AXDND1: variants seen among roughly 807,000 people sequenced by gnomAD.
The protein encoded by AXDND1 is axonemal dynein light chain domain containing 1.
In AXDND1, 110 loss-of-function variants were observed where a neutral mutation model predicts 137.5. The ratio of observed to expected loss-of-function variants is 0.80; its 90% CI spans 0.69 to 0.94. The LOEUF is 0.94. AXDND1 is among the 40% of genes least tolerant of loss of function. AXDND1 has a pLI of 0.00. For missense variants in AXDND1, 1,191 were observed against 1,169.8 expected (o/e 1.02, Z -0.26); for synonymous variants, 414 against 399.7 (o/e 1.04, Z -0.43).
Position 179,366,581 on chromosome 1 carries a change from G to A in AXDND1, c.72G>A (p.Val24=). The A allele has an allele frequency of 6.2e-7, 1 of 1,613,502 alleles. No homozygotes were observed. Among genetic ancestry groups the A allele is most frequent in the South Asian group, 1.1e-5 (1 of 91,080 alleles). The change falls in exon 2 of 26, where the codon GTG becomes GTA. Residue 24 remains valine (V), a synonymous_variant. Transcript: ENST00000367618. ...TSTSESKKLK[V]SVAKEGTRGL... is the part of the protein sequence containing the mutation. The stretch of plus-strand genomic sequence containing the variant: ...CATCTGAGAGCAAAAAGTTAAAAGT[G>A]TCTGTAGCCAAGGAAGGGACAAGAG...
intron 15 of AXDND1, among the ~76,000 whole-genome samples, chr1:179,442,891 T>C (rs938458728): frequency 1.3e-5 from 2 of 152,032 alleles, no homozygotes; most frequent in African/African-American, 4.8e-5. Context: ...CAAAAGAGTA[T>C]ATTTGGAAGA....
intron 21 of AXDND1, among the ~76,000 whole-genome samples, chr1:179,519,153 T>C (rs567646938): frequency 6.6e-6 from 1 of 152,356 alleles, no homozygotes; most frequent in South Asian, 2.1e-4. Context: ...GATGTTGAGC[T>C]TTTTCTCATA....
rs186754785 is a variant in AXDND1 at position 179,537,873 on chromosome 1, T to G, written c.3031+2911T>G. On this transcript the variant is annotated intron_variant, in intron 25 of 25. Coordinates refer to ENST00000367618, the MANE Select transcript of AXDND1 (RefSeq NM_144696.6). ...TAATTATTGGCTCAATTTTGCCACC[T>G]GTTATTGGTCTATTCAGAGATTTGA... 9.1e-4 allele frequency among the ~76,000 whole-genome samples: 138 copies of G among 152,300 alleles called. 1 individual carries two copies. The highest frequency in any genetic ancestry group is 2.2e-3 in the African/African-American group (93 of 41,560).
At chr1:179,456,591 T>C in intron 16 of AXDND1, 1 of 789,784 alleles carries the variant, frequency 1.3e-6, no homozygotes, top group East Asian at 2.5e-5. Flanking sequence ...ATAACCACCA[T>C]CATTACCAAA....
intron 18 of AXDND1, among the ~76,000 whole-genome samples, chr1:179,490,779 C>T (rs567575210): frequency 8.9e-4 from 104 of 116,540 alleles, no homozygotes; most frequent in African/African-American, 2.8e-3. Flanking sequence ...TTTTTTTTAT[C>T]ACACAACCAC....
chr1:179,411,929 G>A (rs563768168), intron 12 of AXDND1, among the ~76,000 whole-genome samples: 1 of 151,914 alleles, frequency 6.6e-6, no homozygotes, highest in South Asian at 2.1e-4. Flanking sequence ...ACAGCTTACT[G>A]TAGCCTTGAC....
chr1:179,511,422 G>GTA (rs1491189872), intron 21 of AXDND1, among the ~76,000 whole-genome samples: 1 of 149,418 alleles, frequency 6.7e-6, no homozygotes, highest in South Asian at 2.1e-4. Flanking sequence ...GTGTGTGTGT[G>GTA]TATATGTATA....
At chr1:179,397,330 G>A (rs1030052817) in intron 11 of AXDND1, among the ~76,000 whole-genome samples, 6 of 151,604 alleles carry the variant, frequency 4.0e-5, no homozygotes, top group South Asian at 4.1e-4. Flanking sequence ...CTTACGGCTT[G>A]TAGGGTTTCT....
At chr1:179,490,101 C>T (rs1281078425) in intron 18 of AXDND1, among the ~76,000 whole-genome samples, 1 of 152,166 alleles carries the variant, frequency 6.6e-6, no homozygotes, top group Non-Finnish European at 1.5e-5. Flanking sequence ...TAAGAACTTA[C>T]TCCCTGATAA....
At chr1:179,507,149 C>T (rs1668616685) in intron 20 of AXDND1, among the ~76,000 whole-genome samples, 1 of 152,026 alleles carries the variant, frequency 6.6e-6, no homozygotes, top group Non-Finnish European at 1.5e-5. Flanking sequence ...TACTTCACAC[C>T]AGAAGTCTTT....
intron 2 of AXDND1, 93 bp from the exon 3 acceptor site, chr1:179,368,707 A>G: frequency 3.0e-6 from 3 of 990,706 alleles, no homozygotes; most frequent in Non-Finnish European, 4.4e-6. Flanking sequence ...TCTCTCTGTT[A>G]GAAACAGATG....
At chr1:179,498,739 C>T (rs1667703512) in intron 20 of AXDND1, among the ~76,000 whole-genome samples, 1 of 151,856 alleles carries the variant, frequency 6.6e-6, no homozygotes, top group Admixed American at 6.6e-5. Context: ...CAAGCAAAAA[C>T]CAAATAACCC....
At chr1:179,552,571 G>A in intron 25 of AXDND1, 1 of 1,581,024 alleles carries the variant, frequency 6.3e-7, no homozygotes, top group Non-Finnish European at 8.7e-7. Flanking sequence ...CCTTCCTAAA[G>A]GGCAGTCTGG....
intron 24 of AXDND1, 138 bp downstream of exon 24, chr1:179,534,015 G>A: frequency 1.5e-6 from 1 of 657,750 alleles, no homozygotes; most frequent in Non-Finnish European, 2.7e-6. Context: ...ATCTCCACAT[G>A]TTCTGCTAGA....
At chr1:179,506,523 G>T (rs1668550868) in intron 20 of AXDND1, among the ~76,000 whole-genome samples, 1 of 152,128 alleles carries the variant, frequency 6.6e-6, no homozygotes, top group Admixed American at 6.5e-5. Flanking sequence ...CTTGAGGTCA[G>T]CAGTTCGAGA....
Position 179,554,592 on chromosome 1 carries a change from A to C in AXDND1, c.*73A>C. ...TCCAGGTGGGAGGAGAGCATGCCTA[A>C]ACCCTGGTGGCCATTGTTCTGTACT... On this transcript the variant is annotated 3_prime_UTR_variant, in exon 26 of 26. Transcript: ENST00000367618. 1 of 1,608,642 alleles carries C rather than the reference A, an allele frequency of 6.2e-7. No individual in the cohort carries two copies. The highest frequency in any genetic ancestry group is 8.5e-7 in the Non-Finnish European group (1 of 1,175,048).
rs189622797 is a variant in AXDND1 at position 179,369,949 on chromosome 1, A to G, written c.271-26A>G. On this transcript the variant is annotated intron_variant, in intron 3 of 25. Coordinates refer to ENST00000367618, the MANE Select transcript of AXDND1 (RefSeq NM_144696.6). ...TTGATTAGATCGCCCTCTGCTGGAT[A>G]TTCATGTGTATTTGCTTTTTCCCAG... The G allele has an allele frequency of 5.4e-4, 835 of 1,535,738 alleles. 3 individuals carry two copies. In the African/African-American group the frequency reaches 9.4e-3, roughly 17 times the overall value.
At chr1:179,476,877 A>G (rs1228440867) in intron 17 of AXDND1, among the ~76,000 whole-genome samples, 1 of 152,100 alleles carries the variant, frequency 6.6e-6, no homozygotes, top group African/African-American at 2.4e-5. Context: ...AGCTTCTTGA[A>G]TGTGTTATTG....
At chr1:179,474,261 A>G (rs1304950379) in intron 17 of AXDND1, among the ~76,000 whole-genome samples, 1 of 151,912 alleles carries the variant, frequency 6.6e-6, no homozygotes, top group Non-Finnish European at 1.5e-5. Context: ...GTTTTTTTAT[A>G]GCAGTGTGAG....
Sources: allele counts gnomAD v4.1 joint callset (sites outside exome capture counted in the v4.1 genomes callset), GRCh38; gene constraint gnomAD v4.1.1; transcripts MANE v1.5; gene names NCBI Gene and HGNC (gene_info 2026-07-23, HGNC 2026-07-21).